The following ZNF460 variants were observed in gnomAD, a reference collection of about 807,000 sequenced individuals.
ZNF460 encodes the protein zinc finger protein 460, also known as zinc finger protein 272.
Under a neutral mutation model 8.4 loss-of-function variants are expected in ZNF460, and 1 was observed. The observed-to-expected ratio is 0.12, with a 90% CI of 0.04 to 0.56. ZNF460 has a LOEUF of 0.56. ZNF460 is among the 20% of genes least tolerant of loss of function. ZNF460 has a pLI of 0.91. For synonymous variants in ZNF460, 262 were observed against 259.9 expected, an observed-to-expected ratio of 1.01 and a Z score of -0.08; for missense variants, 477 against 714.8, an observed-to-expected ratio of 0.67 and a Z score of 3.79.
chr19:57,280,778 G>T lies in ZNF460; in HGVS notation c.-29G>T. ...GCCCCGCCCAGGACAGAGAAGGGCT[G>T]TGGTCGGCTGATCCGCGGCATTCCC... On this transcript the variant is annotated 5_prime_UTR_variant, in exon 1 of 3. Coordinates refer to ENST00000360338, the MANE Select transcript of ZNF460 (RefSeq NM_006635.4). 6.2e-7 allele frequency: 1 copy of T among 1,613,804 alleles called. No individual in the cohort carries two copies. The highest frequency in any genetic ancestry group is 1.1e-5 in the South Asian group (1 of 91,032).
chr19:57,293,164 C>G lies in ZNF460; in HGVS notation c.*934C>G, dbSNP rs1156873516. ...TTGTGGTTTCTCAGCTTTTTTACTGCTCTTTAGAGAGAGTAAATAGTTCAA... is the reference window on the plus strand; with the variant it reads ...TTGTGGTTTCTCAGCTTTTTTACTGGTCTTTAGAGAGAGTAAATAGTTCAA... On this transcript the variant is annotated 3_prime_UTR_variant, in exon 3 of 3. Transcript: ENST00000360338. The G allele has an allele frequency of 6.6e-6, 1 of 152,128 alleles. No individual in the cohort carries two copies. Among genetic ancestry groups the G allele is most frequent in the Non-Finnish European group, 1.5e-5 (1 of 68,024 alleles). The allele number at this position is 152,128 out of a possible 1,614,324, so 9.4% of individuals were successfully genotyped here.
chr19:57,286,458 A>G (rs2087879982), intron 2 of ZNF460, among the ~76,000 whole-genome samples: 1 of 151,996 alleles, frequency 6.6e-6, no homozygotes, highest in African/African-American at 2.4e-5. Context: ...GGGCTTCCAT[A>G]TTCTCTGAGA....
At chr19:57,284,490 AG>A in intron 1 of ZNF460, 60 bp from the exon 2 acceptor site, 2 of 1,573,976 alleles carry the variant, frequency 1.3e-6, no homozygotes, top group Non-Finnish European at 1.7e-6. Context: ...CTGGAGTGAC[AG>A]GTTCTAATCC....
intron 2 of ZNF460, among the ~76,000 whole-genome samples, chr19:57,286,538 C>T (rs1472043806): frequency 6.6e-6 from 1 of 152,202 alleles, no homozygotes; most frequent in Non-Finnish European, 1.5e-5. Context: ...ATCCCAGCTA[C>T]TCCGGAGGCT....
chr19:57,281,734 T>G (rs994876764), intron 1 of ZNF460, among the ~76,000 whole-genome samples: 10 of 151,790 alleles, frequency 6.6e-5, no homozygotes, highest in Admixed American at 2.6e-4. Context: ...CCTGGCTAAT[T>G]TTTGTATTTT....
Position 57,291,159 on chromosome 19 carries a change from C to G in ZNF460, c.618C>G (p.Gly206=), listed in dbSNP as rs369121151. The change falls in exon 3 of 3, where the codon GGC becomes GGG. Residue 206 remains glycine, a synonymous_variant. Transcript: ENST00000360338. The surrounding 1 kb of genome is among the most constrained non-coding windows in gnomAD (Gnocchi z 8.4). ...GCCCAGAATGTGGGAAAGCCTTCGG[C>G]AAGAGCAAACACCTCCTTCAGCATC... ...YDCPECGKAF[G]KSKHLLQHHI... 6.2e-6 allele frequency: 10 copies of G among 1,614,072 alleles called. No homozygotes were observed. The African/African-American group carries it at 1.2e-4, about 19-fold the overall frequency.
rs750025689 is a variant in ZNF460, at chr19:57,292,164, A to G, written c.1623A>G (p.Ser541=). 2 of 1,614,212 alleles carry G rather than the reference A, an allele frequency of 1.2e-6. No individual in the cohort carries two copies. The highest frequency in any genetic ancestry group is 1.1e-5 in the South Asian group (1 of 91,082). The part of the protein sequence containing the change: ...PVSAVNMETP[S]IAAHSSSLDI... ...GTGCAGTGAATATGGAAACGCCTTC[A>G]ATTGCCGCTCATTCCTCCTCACTCG... Residue 541 remains serine (S), a synonymous_variant, in exon 3 of 3, where the codon TCA becomes TCG. Coordinates refer to ENST00000360338, the MANE Select transcript of ZNF460 (RefSeq NM_006635.4).
chr19:57,286,324 A>T (rs1466048590), intron 2 of ZNF460, among the ~76,000 whole-genome samples: 1 of 152,062 alleles, frequency 6.6e-6, no homozygotes, highest in African/African-American at 2.4e-5. Context: ...GTGGTGTTTG[A>T]TGTTACTATT....
Position 57,280,849 on chromosome 19 carries a change from G to A in ZNF460, c.30+13G>A. ...GGCTCCGGCGCAGGTGAGTGGACGA[G>A]GTTTCGGCCTTGCTGCTGCTGTGCT... On this transcript the variant is annotated intron_variant, in intron 1 of 2. Coordinates refer to ENST00000360338, the MANE Select transcript of ZNF460 (RefSeq NM_006635.4). 2 of 1,614,106 alleles carry A rather than the reference G, an allele frequency of 1.2e-6. No homozygotes were observed. The highest frequency in any genetic ancestry group is 1.7e-6 in the Non-Finnish European group (2 of 1,180,000).
Position 57,290,043 on chromosome 19 carries a change from T to C in ZNF460, c.158-656T>C, listed in dbSNP as rs1277380765. ...TAATCCCAGCCACTTGGGAGGCTGA[T>C]TCAGGAGAATTGCTTGAACCCAGGA... On this transcript the variant is annotated intron_variant, in intron 2 of 2. Transcript: ENST00000360338. Among the ~76,000 whole-genome samples the C allele has an allele frequency of 3.3e-5, 5 of 151,986 alleles. No individual in the cohort carries two copies. In the East Asian group the frequency reaches 9.8e-4, roughly 30 times the overall value.
chr19:57,282,015 A>T (rs2122881421), intron 1 of ZNF460: 1 of 152,252 alleles, frequency 6.6e-6, no homozygotes, highest in South Asian at 2.1e-4. Flanking sequence ...CTTTACCCGC[A>T]GTGGTTAGGG....
At chr19:57,288,723 G>A (rs1048656307) in intron 2 of ZNF460, among the ~76,000 whole-genome samples, 2 of 152,106 alleles carry the variant, frequency 1.3e-5, no homozygotes, top group Admixed American at 1.3e-4. Context: ...TTTTGTGCTT[G>A]AGCATTGGGC....
At chr19:57,281,686 C>T (rs887260060) in intron 1 of ZNF460, among the ~76,000 whole-genome samples, 1 of 151,444 alleles carries the variant, frequency 6.6e-6, no homozygotes, top group African/African-American at 2.4e-5. Context: ...CTGCCTCAGC[C>T]TCCTGAGTAG....
At chr19:57,284,789 T>C in intron 2 of ZNF460, 112 bp downstream of exon 2, 4 of 1,093,862 alleles carry the variant, frequency 3.7e-6, no homozygotes. Flanking sequence ...GAGCCAGCCC[T>C]CCTGTTTCCC....
Position 57,291,796 on chromosome 19 carries a change from C to A in ZNF460, c.1255C>A (p.Pro419Thr), listed in dbSNP as rs768780313. Residue 419 changes from proline (P) to threonine (T), a missense_variant, in exon 3 of 3, where the codon CCC becomes ACC. Pro to Thr is a conservative substitution (Grantham distance 38). Transcript: ENST00000360338. This position sits in a 1 kb window ranked among gnomAD's most constrained non-coding sequence, Gnocchi z 8.4. ...CTTCAACATCCACACTGGAGAGAAGCCCTATGAGTGTTTACAGTGTGGAAA... is the reference window on the plus strand; with the variant it reads ...CTTCAACATCCACACTGGAGAGAAGACCTATGAGTGTTTACAGTGTGGAAA... ...RHFNIHTGEK[P>T]YECLQCGKAF... 6.2e-7 allele frequency: 1 copy of A among 1,614,190 alleles called. No individual in the cohort carries two copies.
At chr19:57,286,312 C>T (rs1235769536) in intron 2 of ZNF460, among the ~76,000 whole-genome samples, 1 of 152,066 alleles carries the variant, frequency 6.6e-6, no homozygotes, top group African/African-American at 2.4e-5. Context: ...GGTCTGCGAT[C>T]AGTGGTGTTT....
intron 1 of ZNF460, 117 bp downstream of exon 1, chr19:57,280,953 G>T (rs1324833377): frequency 7.6e-6 from 11 of 1,440,946 alleles, no homozygotes; most frequent in Non-Finnish European, 1.1e-5. Flanking sequence ...TTATTTAAGA[G>T]AAATGGCCGT....
chr19:57,292,175 A>G lies in ZNF460; in HGVS notation c.1634A>G (p.His545Arg), dbSNP rs1265394871. Residue 545 changes from histidine (H) to arginine (R), a missense_variant, in exon 3 of 3, where the codon CAT becomes CGT. Around this residue, in one of 5 missense-constraint regions of ZNF460, gnomAD observed 83 missense variants for 82.3 expected, o/e 1.01. Transcript: ENST00000360338. Reference protein sequence around the residue: ...VNMETPSIAAHSSSLDINGFI... With the variant: ...VNMETPSIAARSSSLDINGFI... ...ATGGAAACGCCTTCAATTGCCGCTC[A>G]TTCCTCCTCACTCGACATCAACGGA... The G allele has an allele frequency of 1.9e-6, 3 of 1,614,080 alleles. No homozygotes were observed. The highest frequency in any genetic ancestry group is 2.2e-5 in the East Asian group (1 of 44,896).
chr19:57,289,866 CG>C (rs1416207181), intron 2 of ZNF460, among the ~76,000 whole-genome samples: 1 of 151,846 alleles, frequency 6.6e-6, no homozygotes, highest in Non-Finnish European at 1.5e-5. Context: ...TTTAGCCAGG[CG>C]GGGTGGCTCA....
Sources: gnomAD v4.1 joint callset for allele counts (sites outside exome capture counted in the v4.1 genomes callset) on GRCh38, gnomAD v4.1.1 for gene constraint, gnomAD v4.1.1 regional missense constraint, Gnocchi (gnomAD v3.1) non-coding constraint, MANE v1.5 for transcripts, NCBI Gene and HGNC (gene_info 2026-07-23, HGNC 2026-07-21) for gene names.